Variants in SH3BP5 observed in about 807,000 individuals in gnomAD.
The protein encoded by SH3BP5 is SH3 domain binding protein 5, also known as SH3 domain-binding protein 5.
In SH3BP5, 22 loss-of-function variants were observed where a neutral mutation model predicts 43.3. That is an observed-to-expected ratio of 0.51 (90% CI 0.36 to 0.73). The LOEUF (loss-of-function observed/expected upper bound fraction) is 0.73, where lower values mean the gene tolerates loss of function less well. Ranked by LOEUF, SH3BP5 falls within the 30% of genes least tolerant of loss-of-function variation. The probability of loss-of-function intolerance (pLI) is 0.00; values close to 1 mark genes in which losing one functional copy is unlikely to be tolerated. For synonymous variants in SH3BP5, 255 were observed against 225.8 expected (o/e 1.13, Z -1.16); for missense variants, 529 against 586.9 (o/e 0.90, Z 1.02).
At chr3:15,302,564 C>T (rs1315044980) in intron 3 of SH3BP5, among the ~76,000 whole-genome samples, 1 of 152,096 alleles carries the variant, frequency 6.6e-6, no homozygotes, top group Non-Finnish European at 1.5e-5. Context: ...TGGTAGAACT[C>T]CCAAAGCAGC....
intron 3 of SH3BP5, among the ~76,000 whole-genome samples, chr3:15,295,376 G>A (rs1251837816): frequency 1.3e-5 from 2 of 152,196 alleles, no homozygotes; most frequent in Non-Finnish European, 2.9e-5. Context: ...TGTCCAACAA[G>A]AAGCCACCCT....
At chr3:15,315,741 C>T (rs759474654) in intron 2 of SH3BP5, among the ~76,000 whole-genome samples, 3 of 152,194 alleles carry the variant, frequency 2.0e-5, no homozygotes, top group Non-Finnish European at 4.4e-5. Flanking sequence ...TCCTTTCAAT[C>T]CTTGGCCTGT....
At chr3:15,289,904 G>C (rs1697364250) in intron 3 of SH3BP5, among the ~76,000 whole-genome samples, 1 of 152,192 alleles carries the variant, frequency 6.6e-6, no homozygotes, top group Non-Finnish European at 1.5e-5. Context: ...TACATAAGGA[G>C]AACCTTCACT....
intron 3 of SH3BP5, among the ~76,000 whole-genome samples, 156 bp downstream of exon 3, chr3:15,303,947 C>G (rs1247626891): frequency 6.6e-6 from 1 of 152,130 alleles, no homozygotes; most frequent in Non-Finnish European, 1.5e-5. Context: ...GTGTCGAGCA[C>G]TGGAATGAAG....
chr3:15,331,478 G>C (rs967029262), intron 1 of SH3BP5, among the ~76,000 whole-genome samples: 1 of 152,146 alleles, frequency 6.6e-6, no homozygotes, highest in African/African-American at 2.4e-5. Flanking sequence ...AAAGGGATTT[G>C]CTCTGCTTTT....
intron 2 of SH3BP5, among the ~76,000 whole-genome samples, chr3:15,304,982 G>A (rs890274682): frequency 6.6e-6 from 1 of 151,758 alleles, no homozygotes; most frequent in Non-Finnish European, 1.5e-5. Flanking sequence ...GCCGGGCATA[G>A]TGGGGGACAC....
intron 2 of SH3BP5, among the ~76,000 whole-genome samples, chr3:15,325,896 T>G (rs1025850098): frequency 6.6e-6 from 1 of 152,116 alleles, no homozygotes; most frequent in African/African-American, 2.4e-5. Context: ...GTGTGAGCCT[T>G]TGGTCCTGGC....
intron 3 of SH3BP5, among the ~76,000 whole-genome samples, chr3:15,290,019 G>T (rs1697367241): frequency 6.6e-6 from 1 of 152,234 alleles, no homozygotes; most frequent in African/African-American, 2.4e-5. Context: ...TTTCTCTGGG[G>T]TGTGGTGCTT....
intron 2 of SH3BP5, among the ~76,000 whole-genome samples, chr3:15,311,949 C>T (rs552675531): frequency 2.0e-5 from 3 of 152,204 alleles, no homozygotes; most frequent in East Asian, 3.9e-4. Context: ...TGATTACAGG[C>T]GTGAGCCACT....
Position 15,257,016 on chromosome 3 carries a change from T to G in SH3BP5, c.987A>C (p.Thr329=), listed in dbSNP as rs762595490. The change falls in exon 8 of 9, where the codon ACA becomes ACC. Residue 329 remains threonine, a synonymous_variant. Coordinates refer to ENST00000383791, the MANE Select transcript of SH3BP5 (RefSeq NM_004844.5). ...QSVSSFSSGP[T]SPSEMPDQFP... is the part of the protein sequence containing the mutation. ...ACTGGTCAGGCATCTCAGACGGGCT[T>G]GTTGGTCCTGAACTAAAGCTGGACA... The G allele has an allele frequency of 3.1e-6, 5 of 1,614,192 alleles. No homozygotes were observed. The Admixed American group carries it at 6.7e-5, about 22-fold the overall frequency.
intron 2 of SH3BP5, among the ~76,000 whole-genome samples, chr3:15,321,647 G>A (rs1167364249): frequency 6.6e-6 from 1 of 151,316 alleles, no homozygotes; most frequent in Admixed American, 6.6e-5. Context: ...TCAGCAGCTA[G>A]CAACAACTGG....
chr3:15,320,104 T>C (rs1471588292), intron 2 of SH3BP5, among the ~76,000 whole-genome samples: 1 of 152,250 alleles, frequency 6.6e-6, no homozygotes, highest in Middle Eastern at 3.4e-3. Flanking sequence ...CTGAATCCCT[T>C]TGCATGCTGG....
chr3:15,331,400 A>G (rs1314708465), intron 1 of SH3BP5, among the ~76,000 whole-genome samples: 1 of 152,214 alleles, frequency 6.6e-6, no homozygotes, highest in African/African-American at 2.4e-5. Flanking sequence ...GAAATTACAG[A>G]GCATGCTTAA....
chr3:15,278,223 G>C lies in SH3BP5; in HGVS notation c.331-8346C>G, dbSNP rs150717058. ...CACTGCTGGAAAGAACCCCTCCCCC[G>C]GCTAGAAGCTCATGAAGAAAAGCAT... is the stretch of plus-strand genomic sequence containing the variant. On this transcript the variant is annotated intron_variant, in intron 3 of 8. Transcript: ENST00000383791. Among the ~76,000 whole-genome samples, 1,100 of 152,302 alleles carry C rather than the reference G, an allele frequency of 7.2e-3. 12 individuals carry two copies. The highest frequency in any genetic ancestry group is 0.023 in the African/African-American group (973 of 41,568).
chr3:15,278,934 C>T (rs1029299139), intron 3 of SH3BP5, among the ~76,000 whole-genome samples: 21 of 144,302 alleles, frequency 1.5e-4, no homozygotes, highest in Admixed American at 7.5e-4. Flanking sequence ...CTTTGGGAGG[C>T]TGAGGCGGGC....
At chr3:15,333,831 G>A (rs1698668148), upstream of SH3BP5, among the ~76,000 whole-genome samples, 1 of 152,210 alleles carries the variant, frequency 6.6e-6, no homozygotes, top group African/African-American at 2.4e-5. Context: ...TTTAAATCAA[G>A]GATGAGTCAG....
chr3:15,285,019 C>T (rs778921303), intron 3 of SH3BP5, among the ~76,000 whole-genome samples: 13 of 152,158 alleles, frequency 8.5e-5, no homozygotes, highest in African/African-American at 2.4e-4. Context: ...TCTAGGATCT[C>T]GTCACAGCAG....
At chr3:15,281,152 G>A (rs1697117756) in intron 3 of SH3BP5, among the ~76,000 whole-genome samples, 1 of 152,178 alleles carries the variant, frequency 6.6e-6, no homozygotes, top group African/African-American at 2.4e-5. Context: ...TGCCAGAAGA[G>A]GAAAGAGCAT....
chr3:15,268,929 A>G (rs1008251460), intron 4 of SH3BP5, among the ~76,000 whole-genome samples: 10 of 152,178 alleles, frequency 6.6e-5, no homozygotes, highest in African/African-American at 2.2e-4. Context: ...ACAGGCCCTC[A>G]TGAGACACTG....
Sources: gnomAD v4.1 joint callset for allele counts (sites outside exome capture counted in the v4.1 genomes callset) on GRCh38, gnomAD v4.1.1 for gene constraint, MANE v1.5 for transcripts, NCBI Gene and HGNC (gene_info 2026-07-23, HGNC 2026-07-21) for gene names.